The following RBFOX1 variants were observed in gnomAD, a reference collection of about 807,000 sequenced individuals.
RBFOX1 encodes RNA binding protein fox-1 homolog 1.
Under a neutral mutation model 57.7 loss-of-function variants are expected in RBFOX1, and 8 were observed. The observed-to-expected ratio is 0.14, with a 90% CI of 0.08 to 0.25. The LOEUF is 0.25. Among genes scored for constraint, RBFOX1 ranks in the 10% least tolerant of loss-of-function variants. The probability of loss-of-function intolerance (pLI) is 1.00; values close to 1 mark genes in which losing one functional copy is unlikely to be tolerated. For missense variants in RBFOX1, 611 were observed against 548.5 expected, an observed-to-expected ratio of 1.11 and a Z score of -1.14; for synonymous variants, 326 against 222.4, an observed-to-expected ratio of 1.47 and a Z score of -4.15.
At chr16:6,031,590 T>G (rs542012805) in intron 1 of RBFOX1, among the ~76,000 whole-genome samples, 2 of 152,312 alleles carry the variant, frequency 1.3e-5, no homozygotes, top group Non-Finnish European at 2.9e-5. Context: ...CATCTCTGTA[T>G]GTGTGCAAAC....
At chr16:5,799,184 C>CTTATAAAA (rs2054978209) in intron 3 of RBFOX1, among the ~76,000 whole-genome samples, 1 of 151,908 alleles carries the variant, frequency 6.6e-6, no homozygotes, top group Non-Finnish European at 1.5e-5. Flanking sequence ...AAAGGGAAAC[C>CTTATAAAA]CCTTATAAAA....
At chr16:7,076,190 C>G (rs960359264) in intron 4 of RBFOX1, among the ~76,000 whole-genome samples, 2 of 151,792 alleles carry the variant, frequency 1.3e-5, no homozygotes, top group Non-Finnish European at 1.5e-5. Flanking sequence ...TACAGGTGCA[C>G]TACCTGCTAA....
intron 3 of RBFOX1, among the ~76,000 whole-genome samples, chr16:6,871,145 T>C (rs2060797772): frequency 6.6e-6 from 1 of 152,234 alleles, no homozygotes; most frequent in African/African-American, 2.4e-5. Context: ...TCTTTTGTTT[T>C]TGAATAAACC....
intron 2 of RBFOX1, among the ~76,000 whole-genome samples, chr16:6,514,339 G>A (rs964338591): frequency 6.6e-6 from 1 of 152,076 alleles, no homozygotes; most frequent in African/African-American, 2.4e-5. Context: ...ATGGCGTGGA[G>A]GCTTAAGAGC....
chr16:7,653,702 G>T (rs143224307), intron 11 of RBFOX1, 113 bp from the exon 12 acceptor site: 86 of 1,460,932 alleles, frequency 5.9e-5, no homozygotes, highest in Middle Eastern at 2.1e-4. Context: ...AAGCGGGCGG[G>T]GGTCCTGCTG....
At chr16:6,936,806 A>C (rs2077441907) in intron 3 of RBFOX1, among the ~76,000 whole-genome samples, 1 of 152,014 alleles carries the variant, frequency 6.6e-6, no homozygotes, top group Admixed American at 6.6e-5. Context: ...CCTGTGCCCA[A>C]AACGCTTTAA....
At position 6,877,236 on chromosome 16, in the gene RBFOX1, A is replaced by G. The variant is rs189036549; in HGVS notation, c.-15-174821A>G. ...ATTTTTAATACAGTCCATATTTCAT[A>G]AATCCCACATGTTGACATGTCCTAG... On this transcript the variant is annotated intron_variant, in intron 3 of 15. Transcript: ENST00000550418. Among the ~76,000 whole-genome samples the G allele has an allele frequency of 9.2e-5, 14 of 152,350 alleles. No individual in the cohort carries two copies. In the East Asian group the frequency reaches 2.7e-3, roughly 29 times the overall value.
At chr16:6,792,416 A>G (rs979645510) in intron 3 of RBFOX1, among the ~76,000 whole-genome samples, 3 of 152,212 alleles carry the variant, frequency 2.0e-5, no homozygotes, top group Non-Finnish European at 4.4e-5. Context: ...AAATAGGTAG[A>G]TTTAAATATA....
At chr16:6,813,168 A>G (rs868595750) in intron 3 of RBFOX1, among the ~76,000 whole-genome samples, 1 of 152,042 alleles carries the variant, frequency 6.6e-6, no homozygotes, top group Non-Finnish European at 1.5e-5. Context: ...ATCAGGCCAC[A>G]ATGACTTCCT....
chr16:6,416,534 G>GAT (rs2051247815), intron 2 of RBFOX1, among the ~76,000 whole-genome samples: 1 of 152,058 alleles, frequency 6.6e-6, no homozygotes, highest in East Asian at 1.9e-4. Context: ...TATTAATGAG[G>GAT]AAAGAGGAGA....
chr16:6,580,589 A>AG (rs1181333170), intron 2 of RBFOX1, among the ~76,000 whole-genome samples: 1 of 47,272 alleles, frequency 2.1e-5, no homozygotes, highest in Non-Finnish European at 6.0e-5. Context: ...GAAATGTCAC[A>AG]GGGGGGGATG....
intron 1 of RBFOX1, chr16:6,038,737 T>C (rs919760476): frequency 2.6e-4 from 29 of 111,484 alleles, no homozygotes; most frequent in African/African-American, 8.8e-4. Context: ...AGAGCTTTGA[T>C]TTTTTTTTTT....
intron 1 of RBFOX1, among the ~76,000 whole-genome samples, chr16:6,074,175 T>G (rs1356480849): frequency 6.6e-6 from 1 of 152,098 alleles, no homozygotes; most frequent in Non-Finnish European, 1.5e-5. Context: ...GTCTTGACCT[T>G]CTGACCTTGT....
intron 4 of RBFOX1, among the ~76,000 whole-genome samples, chr16:7,063,437 C>A (rs993454227): frequency 6.6e-6 from 1 of 152,126 alleles, no homozygotes; most frequent in African/African-American, 2.4e-5. Flanking sequence ...TCAGAGTACC[C>A]TTCAAAGGCC....
intron 2 of RBFOX1, among the ~76,000 whole-genome samples, chr16:5,565,825 TA>T: frequency 6.6e-6 from 1 of 152,126 alleles, no homozygotes; most frequent in Non-Finnish European, 1.5e-5. Flanking sequence ...GAGAGGCTCC[TA>T]AGGGTAGGTG....
At chr16:5,767,282 C>T (rs535112994) in intron 3 of RBFOX1, among the ~76,000 whole-genome samples, 7 of 152,284 alleles carry the variant, frequency 4.6e-5, no homozygotes, top group African/African-American at 7.2e-5. Context: ...GGAGATGAGG[C>T]GGAGAGCTGC....
At chr16:5,983,070 C>G (rs2060205471) in intron 4 of RBFOX1, among the ~76,000 whole-genome samples, 1 of 152,194 alleles carries the variant, frequency 6.6e-6, no homozygotes, top group East Asian at 1.9e-4. Flanking sequence ...GCAGCTCTGA[C>G]TCAAGAGTGA....
At chr16:6,063,825 G>A (rs1319328018) in intron 1 of RBFOX1, among the ~76,000 whole-genome samples, 6 of 152,162 alleles carry the variant, frequency 3.9e-5, no homozygotes, top group African/African-American at 9.7e-5. Context: ...CTGGGATGTA[G>A]ATGCTTGACA....
chr16:6,305,755 C>T (rs1221022141), intron 1 of RBFOX1, among the ~76,000 whole-genome samples: 1 of 151,512 alleles, frequency 6.6e-6, no homozygotes, highest in African/African-American at 2.4e-5. Flanking sequence ...CAGAGATGGA[C>T]AGTAACTCAC....
Sources: allele counts gnomAD v4.1 joint callset (sites outside exome capture counted in the v4.1 genomes callset), GRCh38; gene constraint gnomAD v4.1.1; transcripts MANE v1.5; gene names NCBI Gene and HGNC (gene_info 2026-07-23, HGNC 2026-07-21).